Variants in CERS6 observed in about 807,000 individuals in gnomAD.
CERS6 encodes LAG1 homolog, ceramide synthase 6.
CERS6 carries 26 observed loss-of-function variants against 56.8 expected under a neutral mutation model. The observed-to-expected ratio is 0.46, with a 90% CI of 0.34 to 0.63. The LOEUF (loss-of-function observed/expected upper bound fraction) is 0.63, where lower values mean the gene tolerates loss of function less well. CERS6 is among the 30% of genes least tolerant of loss of function. The pLI, the probability that CERS6 is intolerant of heterozygous loss-of-function variation, is 0.01. For synonymous variants in CERS6, 164 were observed against 173.3 expected (o/e 0.95, Z 0.42); for missense variants, 415 against 467.5 (o/e 0.89, Z 1.04).
chr2:168,740,507 GTTACAATGTGGTGAGCAT>G (rs1029950663), intron 8 of CERS6, among the ~76,000 whole-genome samples: 5 of 152,128 alleles, frequency 3.3e-5, no homozygotes, highest in African/African-American at 1.2e-4. Context: ...GAATCACCTG[GTTACAATGTGGTGAGCAT>G]TATGAAGACG....
At chr2:168,651,139 T>C (rs576603067) in intron 4 of CERS6, among the ~76,000 whole-genome samples, 2 of 152,320 alleles carry the variant, frequency 1.3e-5, no homozygotes, top group African/African-American at 2.4e-5. Context: ...ACTTTTTATA[T>C]ACAGGAACAC....
chr2:168,547,008 G>A (rs1287542943), intron 1 of CERS6, among the ~76,000 whole-genome samples: 2 of 152,184 alleles, frequency 1.3e-5, no homozygotes, highest in Non-Finnish European at 2.9e-5. Context: ...TTTTCATCTT[G>A]TCTGGGACAT....
intron 4 of CERS6, among the ~76,000 whole-genome samples, chr2:168,680,906 T>G (rs1686199264): frequency 6.6e-6 from 1 of 152,242 alleles, no homozygotes; most frequent in African/African-American, 2.4e-5. Flanking sequence ...AAGTGCCTTT[T>G]CATGTACTAT....
chr2:168,599,752 A>G (rs1276288515), intron 3 of CERS6, among the ~76,000 whole-genome samples: 1 of 152,234 alleles, frequency 6.6e-6, no homozygotes, highest in African/African-American at 2.4e-5. Context: ...TAAAGCACCT[A>G]ATTTATTAAG....
At chr2:168,562,168 C>G (rs1321897697) in intron 3 of CERS6, among the ~76,000 whole-genome samples, 2 of 152,158 alleles carry the variant, frequency 1.3e-5, no homozygotes, top group East Asian at 1.9e-4. Context: ...GTGTAACTCT[C>G]TTAGTTGCAG....
intron 3 of CERS6, among the ~76,000 whole-genome samples, chr2:168,609,981 T>G (rs1019159563): frequency 7.0e-6 from 1 of 143,068 alleles, no homozygotes; most frequent in East Asian, 2.1e-4. Flanking sequence ...ACTGTTTTTT[T>G]TTTTTTTTTT....
At chr2:168,460,695 C>T (rs1693763045) in intron 1 of CERS6, among the ~76,000 whole-genome samples, 1 of 152,158 alleles carries the variant, frequency 6.6e-6, no homozygotes, top group Non-Finnish European at 1.5e-5. Context: ...TAGGTAGAAC[C>T]CAGAGTAGGC....
chr2:168,578,344 G>A (rs533254981), intron 3 of CERS6, among the ~76,000 whole-genome samples: 1 of 152,202 alleles, frequency 6.6e-6, no homozygotes, highest in East Asian at 1.9e-4. Flanking sequence ...TGTTCATAAA[G>A]TACTTTTGTG....
chr2:168,477,890 G>T (rs945617275), intron 1 of CERS6, among the ~76,000 whole-genome samples: 2 of 152,158 alleles, frequency 1.3e-5, no homozygotes, highest in Admixed American at 1.3e-4. Context: ...AAAGCCACTT[G>T]TATTTAGTTT....
At chr2:168,461,932 A>G (rs1320885591) in intron 1 of CERS6, among the ~76,000 whole-genome samples, 1 of 152,172 alleles carries the variant, frequency 6.6e-6, no homozygotes, top group Non-Finnish European at 1.5e-5. Context: ...GCAGAGGGAA[A>G]ATGGGATTTC....
At position 168,592,711 on chromosome 2, in the gene CERS6, G is replaced by A. The variant is rs553317283; in HGVS notation, c.407+31389G>A. 1.0e-3 allele frequency among the ~76,000 whole-genome samples: 153 copies of A among 152,164 alleles called. 1 individual carries two copies. The highest frequency in any genetic ancestry group is 3.2e-3 in the African/African-American group (133 of 41,522). Reference sequence around the variant, plus strand: ...GGGGTGGATTTTCCTCAGCTGTTACGCTGCTGTGAGTTGGAAGAAGGGATT... The same window carrying A: ...GGGGTGGATTTTCCTCAGCTGTTACACTGCTGTGAGTTGGAAGAAGGGATT... On this transcript the variant is annotated intron_variant, in intron 3 of 9. Transcript: ENST00000305747.
chr2:168,679,704 C>T (rs762560143), intron 4 of CERS6, among the ~76,000 whole-genome samples: 3 of 152,164 alleles, frequency 2.0e-5, no homozygotes, highest in African/African-American at 7.2e-5. Context: ...CATTGGCCAA[C>T]GCTGTCAATT....
chr2:168,662,064 T>G (rs985391672), intron 4 of CERS6, among the ~76,000 whole-genome samples: 1 of 151,746 alleles, frequency 6.6e-6, no homozygotes, highest in African/African-American at 2.4e-5. Context: ...CAATACTGAG[T>G]GTTCGGTCAT....
chr2:168,741,190 G>A (rs370106995), intron 8 of CERS6, among the ~76,000 whole-genome samples: 2 of 152,088 alleles, frequency 1.3e-5, no homozygotes, highest in African/African-American at 4.8e-5. Flanking sequence ...CTCTTACTGA[G>A]CTGCAAAATT....
chr2:168,503,962 A>C (rs1308616997), intron 1 of CERS6, among the ~76,000 whole-genome samples: 1 of 152,218 alleles, frequency 6.6e-6, no homozygotes, highest in Non-Finnish European at 1.5e-5. Flanking sequence ...GAGAAGGGTC[A>C]GTATTTAAGC....
At chr2:168,744,325 G>C (rs1464784173) in intron 8 of CERS6, among the ~76,000 whole-genome samples, 1 of 151,966 alleles carries the variant, frequency 6.6e-6, no homozygotes, top group Non-Finnish European at 1.5e-5. Context: ...TTTCTGGTTA[G>C]GAATCATTCT....
Position 168,715,948 on chromosome 2 carries a change from C to T in CERS6, c.738+819C>T, listed in dbSNP as rs569447033. Among the ~76,000 whole-genome samples the T allele has an allele frequency of 2.6e-5, 4 of 151,998 alleles. No individual in the cohort carries two copies. The South Asian group carries it at 8.3e-4, about 32-fold the overall frequency. On this transcript the variant is annotated intron_variant, in intron 7 of 9. Transcript: ENST00000305747. ...TGATTTTTTTTTCCTTTAGGCCCACCGTTTTGCTTTAAGTGCTTTGTTTTG... is the reference window on the plus strand; with the variant it reads ...TGATTTTTTTTTCCTTTAGGCCCACTGTTTTGCTTTAAGTGCTTTGTTTTG...
Position 168,653,548 on chromosome 2 carries a change from G to A in CERS6, c.465+22506G>A, listed in dbSNP as rs149396665. ...GGACATTTTCTGGTGTGCTATGTTT[G>A]TTTAATTATCTTAGATATGTGTGAG... On this transcript the variant is annotated intron_variant, in intron 4 of 9. Coordinates refer to ENST00000305747, the MANE Select transcript of CERS6 (RefSeq NM_203463.3). Among the ~76,000 whole-genome samples the A allele has an allele frequency of 1.6e-3, 244 of 152,288 alleles. 2 individuals are homozygous for A. The highest frequency in any genetic ancestry group is 5.6e-3 in the African/African-American group (231 of 41,568).
At chr2:168,588,285 T>C (rs1007763275) in intron 3 of CERS6, among the ~76,000 whole-genome samples, 49 of 152,126 alleles carry the variant, frequency 3.2e-4, no homozygotes, top group African/African-American at 1.2e-3. Flanking sequence ...CATTTTTAAG[T>C]GTACAATTCA....
Sources: gnomAD v4.1 joint callset for allele counts (sites outside exome capture counted in the v4.1 genomes callset) on GRCh38, gnomAD v4.1.1 for gene constraint, MANE v1.5 for transcripts, NCBI Gene and HGNC (gene_info 2026-07-23, HGNC 2026-07-21) for gene names.